AFG1L: variants seen among roughly 807,000 people sequenced by gnomAD.
AFG1L encodes the protein AFG1-like ATPase.
Under a neutral mutation model 62.2 loss-of-function variants are expected in AFG1L, and 53 were observed. That is an observed-to-expected ratio of 0.85 (90% CI 0.68 to 1.07). The LOEUF is 1.07. Ranked by LOEUF, AFG1L falls within the 50% of genes least tolerant of loss-of-function variation. The probability of loss-of-function intolerance (pLI) is 0.00; values close to 1 mark genes in which losing one functional copy is unlikely to be tolerated. For synonymous variants in AFG1L, 228 were observed against 210.3 expected (o/e 1.08, Z -0.73); for missense variants, 555 against 590.5 (o/e 0.94, Z 0.62).
At position 108,519,685 on chromosome 6, in the gene AFG1L, C is replaced by T. The variant is rs774667074; in HGVS notation, c.1204-12C>T. The T allele has an allele frequency of 6.3e-6, 9 of 1,421,724 alleles. No individual in the cohort carries two copies. The highest frequency in any genetic ancestry group is 3.7e-5 in the Admixed American group (2 of 54,508). The allele number at this position is 1,421,724 out of a possible 1,614,324, so 88.1% of individuals were successfully genotyped here. A position where few individuals can be genotyped will look rare whatever the true frequency, so the allele number is the denominator to read the frequency against. The stretch of plus-strand genomic sequence containing the variant: ...AAAGAGTAACACATTTACCCATTTT[C>T]TTCTATTTCAGGTGCGTATAATTTG... On this transcript the variant is annotated splice_polypyrimidine_tract_variant and intron_variant, in intron 11 of 12. Coordinates refer to ENST00000368977, the MANE Select transcript of AFG1L (RefSeq NM_145315.5).
chr6:108,435,738 G>A (rs559842573), intron 7 of AFG1L, among the ~76,000 whole-genome samples: 7 of 152,112 alleles, frequency 4.6e-5, no homozygotes, highest in East Asian at 1.9e-4. Flanking sequence ...AAATCCTGCC[G>A]TTTTCTCAGT....
At chr6:108,310,595 GAC>G (rs1777366334) in intron 1 of AFG1L, among the ~76,000 whole-genome samples, 1 of 121,518 alleles carries the variant, frequency 8.2e-6, no homozygotes, top group Non-Finnish European at 1.6e-5. Context: ...TTTTTTTTGA[GAC>G]AGAGTCTTGC....
At chr6:108,467,395 G>A (rs776595630) in intron 8 of AFG1L, among the ~76,000 whole-genome samples, 8 of 151,822 alleles carry the variant, frequency 5.3e-5, no homozygotes, top group South Asian at 4.2e-4. Flanking sequence ...ACAGGCCCCC[G>A]CCACCACACC....
chr6:108,303,373 CCTCCAA>C (rs939195901), intron 1 of AFG1L, among the ~76,000 whole-genome samples: 10 of 152,116 alleles, frequency 6.6e-5, no homozygotes, highest in Non-Finnish European at 1.5e-4. Flanking sequence ...CTCAAGTGAT[CCTCCAA>C]CCCCAGTCTC....
intron 3 of AFG1L, among the ~76,000 whole-genome samples, chr6:108,350,532 T>A (rs899932659): frequency 6.6e-6 from 1 of 152,146 alleles, no homozygotes; most frequent in Non-Finnish European, 1.5e-5. Flanking sequence ...ATGTATGAGT[T>A]GGAGGGATTA....
chr6:108,336,417 G>A (rs1480266546), intron 2 of AFG1L, among the ~76,000 whole-genome samples: 3 of 152,166 alleles, frequency 2.0e-5, no homozygotes, highest in Admixed American at 6.5e-5. Context: ...GGTGGATAGT[G>A]ACCCAGAAAG....
intron 7 of AFG1L, among the ~76,000 whole-genome samples, chr6:108,429,962 T>C (rs552677200): frequency 6.6e-6 from 1 of 152,266 alleles, no homozygotes; most frequent in East Asian, 1.9e-4. Context: ...TATTTATTTA[T>C]TTTGAGATGG....
At chr6:108,483,163 A>G (rs531405292) in intron 10 of AFG1L, among the ~76,000 whole-genome samples, 1 of 152,264 alleles carries the variant, frequency 6.6e-6, no homozygotes, top group South Asian at 2.1e-4. Context: ...TATTAAAGAG[A>G]TTTACAAAAA....
chr6:108,316,568 C>G (rs1184509203), intron 1 of AFG1L, among the ~76,000 whole-genome samples: 3 of 135,492 alleles, frequency 2.2e-5, no homozygotes, highest in Non-Finnish European at 3.1e-5. Context: ...GAGTCTCACT[C>G]TGTTGCCCAG....
chr6:108,467,117 G>T lies in AFG1L; in HGVS notation c.891-9748G>T, dbSNP rs139437525. On this transcript the variant is annotated intron_variant, in intron 8 of 12. Coordinates refer to ENST00000368977, the MANE Select transcript of AFG1L (RefSeq NM_145315.5). Reference sequence around the variant, plus strand: ...TGACCAATGTCAGTGCAAAATCAAAGAATTTTCCTGTGTCTGGAATATTTG... The same window carrying T: ...TGACCAATGTCAGTGCAAAATCAAATAATTTTCCTGTGTCTGGAATATTTG... Among the ~76,000 whole-genome samples, 70 of 152,238 alleles carry T rather than the reference G, an allele frequency of 4.6e-4. No individual in the cohort carries two copies. The East Asian group carries it at 0.011, about 25-fold the overall frequency.
chr6:108,405,832 T>C (rs1248054455), intron 7 of AFG1L, among the ~76,000 whole-genome samples: 1 of 152,210 alleles, frequency 6.6e-6, no homozygotes, highest in Non-Finnish European at 1.5e-5. Flanking sequence ...GCTGTCTGCC[T>C]CTGTGAATTT....
chr6:108,312,824 G>C (rs778821429), intron 1 of AFG1L, among the ~76,000 whole-genome samples: 2 of 151,854 alleles, frequency 1.3e-5, no homozygotes, highest in African/African-American at 2.4e-5. Flanking sequence ...CAGTGCAGTG[G>C]TGCTATCATA....
In AFG1L at chr6:108,446,491, CT is replaced by C. The variant is rs1184074963; in HGVS notation, c.808-702del. 5.0e-3 allele frequency among the ~76,000 whole-genome samples: 612 copies of C among 122,268 alleles called. 3 individuals carry two copies. Among genetic ancestry groups the C allele is most frequent in the African/African-American group, 0.018 (509 of 28,502 alleles). The allele number at this position is 122,268 out of a possible 152,430, so 80.2% of individuals were successfully genotyped here. A position where few individuals can be genotyped will look rare whatever the true frequency, so the allele number is the denominator to read the frequency against. On this transcript the variant is annotated intron_variant, in intron 7 of 12. Coordinates refer to ENST00000368977, the MANE Select transcript of AFG1L (RefSeq NM_145315.5). ...TGTTCTGGCCCAACTCTCTCTCTCT[CT>C]TTTTTTTTTTTTTTTTTTTTGTGTG...
intron 6 of AFG1L, among the ~76,000 whole-genome samples, chr6:108,373,775 A>G (rs1414908006): frequency 6.6e-6 from 1 of 151,796 alleles, no homozygotes. Flanking sequence ...ATGGGGTTTC[A>G]CCATATTGGC....
chr6:108,461,147 A>G (rs1772449291), intron 8 of AFG1L, among the ~76,000 whole-genome samples: 1 of 152,220 alleles, frequency 6.6e-6, no homozygotes, highest in Non-Finnish European at 1.5e-5. Flanking sequence ...AAAGTATTCA[A>G]ACTGAGATGT....
At chr6:108,379,334 T>G (rs1780396643) in intron 6 of AFG1L, among the ~76,000 whole-genome samples, 2 of 152,068 alleles carry the variant, frequency 1.3e-5, no homozygotes, top group South Asian at 4.1e-4. Context: ...TTTCAGCATG[T>G]TTTATATTGG....
At chr6:108,444,765 C>T (rs1468277528) in intron 7 of AFG1L, among the ~76,000 whole-genome samples, 2 of 152,202 alleles carry the variant, frequency 1.3e-5, no homozygotes, top group Non-Finnish European at 2.9e-5. Context: ...GATGTGCTGC[C>T]ATCCAAGGGC....
chr6:108,463,372 A>G (rs140059527), intron 8 of AFG1L, among the ~76,000 whole-genome samples: 40 of 146,356 alleles, frequency 2.7e-4, no homozygotes, highest in African/African-American at 9.5e-4. Context: ...TCCTGAAGAG[A>G]GGTTAGAGCT....
intron 6 of AFG1L, among the ~76,000 whole-genome samples, chr6:108,393,614 T>A (rs1412372628): frequency 6.6e-6 from 1 of 152,158 alleles, no homozygotes. Flanking sequence ...TCTTTACATC[T>A]CTCATTGTCA....
Sources: gnomAD v4.1 joint callset for allele counts (sites outside exome capture counted in the v4.1 genomes callset) on GRCh38, gnomAD v4.1.1 for gene constraint, MANE v1.5 for transcripts, NCBI Gene and HGNC (gene_info 2026-07-23, HGNC 2026-07-21) for gene names.